The following NDST4 variants were observed in gnomAD, a reference collection of about 807,000 sequenced individuals.
The protein encoded by NDST4 is N-deacetylase and N-sulfotransferase 4.
NDST4 carries 63 observed loss-of-function variants against 100.8 expected under a neutral mutation model. The observed-to-expected ratio is 0.62, with a 90% CI of 0.51 to 0.77. The LOEUF is 0.77. Among genes scored for constraint, NDST4 ranks in the 30% least tolerant of loss-of-function variants. The pLI is 0.00. For synonymous variants in NDST4, 377 were observed against 361.8 expected, an observed-to-expected ratio of 1.04 and a Z score of -0.48; for missense variants, 943 against 1,018.4, an observed-to-expected ratio of 0.93 and a Z score of 1.01.
intron 11 of NDST4, among the ~76,000 whole-genome samples, chr4:114,836,526 T>C (rs1175894554): frequency 1.3e-5 from 2 of 152,198 alleles, no homozygotes. Context: ...TAACCTGACC[T>C]TTCTCTCTGG....
At chr4:115,094,756 G>T (rs1319785669) in intron 1 of NDST4, among the ~76,000 whole-genome samples, 2 of 152,064 alleles carry the variant, frequency 1.3e-5, no homozygotes, top group East Asian at 3.9e-4. Context: ...GGAGAAATGT[G>T]ACAGACAAGC....
chr4:115,090,919 C>G (rs1456587285), intron 1 of NDST4, among the ~76,000 whole-genome samples: 1 of 63,150 alleles, frequency 1.6e-5, no homozygotes, highest in African/African-American at 1.2e-4. Flanking sequence ...CTCTTCTTCA[C>G]ATTGTAATGA....
intron 6 of NDST4, among the ~76,000 whole-genome samples, chr4:114,890,724 C>T (rs574356743): frequency 2.6e-5 from 4 of 152,158 alleles, no homozygotes; most frequent in African/African-American, 9.6e-5. Context: ...CCTCTGTGTT[C>T]GAGTGGTACT....
At chr4:115,077,312 GATAAAA>G (rs1729210094) in intron 1 of NDST4, 30 bp from the exon 2 acceptor site, 1 of 196,580 alleles carries the variant, frequency 5.1e-6, no homozygotes. Context: ...TAATAACTAA[GATAAAA>G]ATAGAAATAT....
chr4:114,867,646 T>TAAAAAAAAAAAAAAAATAA (rs1724055656), intron 7 of NDST4, among the ~76,000 whole-genome samples: 2 of 26,778 alleles, frequency 7.5e-5, no homozygotes, highest in African/African-American at 1.7e-4. Context: ...ATGAGAATTA[T>TAAAAAAAAAAAAAAAATAA]AAAAAAAAAA....
chr4:115,050,030 G>T (rs1162779573), intron 2 of NDST4, among the ~76,000 whole-genome samples: 1 of 152,028 alleles, frequency 6.6e-6, no homozygotes, highest in African/African-American at 2.4e-5. Context: ...ATTATCATGA[G>T]TCCTTGCCTT....
intron 6 of NDST4, among the ~76,000 whole-genome samples, chr4:114,903,962 T>C (rs897628326): frequency 1.2e-4 from 18 of 152,046 alleles, no homozygotes; most frequent in African/African-American, 4.1e-4. Flanking sequence ...AGGCTTAGTT[T>C]GGGATTTCTT....
chr4:115,026,846 T>C (rs973888201), intron 2 of NDST4, among the ~76,000 whole-genome samples: 2 of 152,138 alleles, frequency 1.3e-5, no homozygotes, highest in African/African-American at 4.8e-5. Flanking sequence ...CTGATTTGTA[T>C]TTTAATAGAT....
chr4:114,861,927 T>G (rs1319153627), intron 7 of NDST4, among the ~76,000 whole-genome samples: 1 of 152,160 alleles, frequency 6.6e-6, no homozygotes, highest in Admixed American at 6.6e-5. Flanking sequence ...CATATTTTCT[T>G]AATTACATGT....
intron 1 of NDST4, among the ~76,000 whole-genome samples, chr4:115,107,300 G>A (rs934904492): frequency 6.6e-6 from 1 of 152,040 alleles, no homozygotes; most frequent in Non-Finnish European, 1.5e-5. Flanking sequence ...GTAAAGGTGA[G>A]ACTTCTATTT....
chr4:114,928,439 C>G (rs1430534547), intron 6 of NDST4, among the ~76,000 whole-genome samples: 1 of 152,158 alleles, frequency 6.6e-6, no homozygotes, highest in Non-Finnish European at 1.5e-5. Flanking sequence ...CAGAAAAAAT[C>G]CAAGTGTGAA....
chr4:115,093,197 T>C (rs1455090211), intron 1 of NDST4, among the ~76,000 whole-genome samples: 1 of 152,088 alleles, frequency 6.6e-6, no homozygotes, highest in Non-Finnish European at 1.5e-5. Flanking sequence ...GGATAGAACA[T>C]TAGAGCGGTG....
In NDST4 at chr4:115,105,076, C is replaced by T. The variant is rs146712580; in HGVS notation, c.-247+8368G>A. ...TTCAAGGTTATATCATGAGTCAGGGCAAAGCAAGGCTTGGAATCCTGATCT... is the reference window on the plus strand; with the variant it reads ...TTCAAGGTTATATCATGAGTCAGGGTAAAGCAAGGCTTGGAATCCTGATCT... On this transcript the variant is annotated intron_variant, in intron 1 of 13. Coordinates refer to ENST00000264363, the MANE Select transcript of NDST4 (RefSeq NM_022569.3). Among the ~76,000 whole-genome samples, 686 of 152,212 alleles carry T rather than the reference C, an allele frequency of 4.5e-3. 4 individuals carry two copies. Among genetic ancestry groups the T allele is most frequent in the African/African-American group, 0.016 (651 of 41,552 alleles).
intron 10 of NDST4, among the ~76,000 whole-genome samples, chr4:114,842,403 C>T (rs9998568): frequency 0.28 from 43,002 of 151,350 alleles, 8,432 homozygotes; most frequent in African/African-American, 0.56. Context: ...ATCCCTTAAG[C>T]TTCAACCCAG....
intron 2 of NDST4, among the ~76,000 whole-genome samples, chr4:115,029,014 T>G (rs1016148877): frequency 5.3e-5 from 8 of 151,980 alleles, no homozygotes; most frequent in Non-Finnish European, 4.4e-5. Context: ...TTTACCAGAA[T>G]TGGAAGAAAA....
intron 4 of NDST4, among the ~76,000 whole-genome samples, chr4:114,944,049 T>C (rs531507277): frequency 4.9e-4 from 74 of 152,268 alleles, no homozygotes; most frequent in South Asian, 1.2e-3. Context: ...AACAGCCAAA[T>C]ACTTTCCTAG....
At chr4:114,879,826 A>C (rs918982467) in intron 6 of NDST4, among the ~76,000 whole-genome samples, 1 of 152,200 alleles carries the variant, frequency 6.6e-6, no homozygotes, top group African/African-American at 2.4e-5. Context: ...CCCTGAAAAC[A>C]GCTGGCATTT....
chr4:115,017,962 A>G (rs1727722752), intron 2 of NDST4, among the ~76,000 whole-genome samples: 2 of 151,948 alleles, frequency 1.3e-5, no homozygotes, highest in African/African-American at 4.8e-5. Context: ...CATATTGACT[A>G]TATTAATAAG....
intron 12 of NDST4, 148 bp from the exon 13 acceptor site, chr4:114,830,040 A>C: frequency 1.6e-6 from 1 of 635,430 alleles, no homozygotes; most frequent in Non-Finnish European, 2.7e-6. Context: ...CTGATTTGAG[A>C]GAGGCTAACT....
Sources: gnomAD v4.1 joint callset for allele counts (sites outside exome capture counted in the v4.1 genomes callset) on GRCh38, gnomAD v4.1.1 for gene constraint, MANE v1.5 for transcripts, NCBI Gene and HGNC (gene_info 2026-07-23, HGNC 2026-07-21) for gene names.